Variants in PCDHGA1 observed in about 807,000 individuals in gnomAD.
PCDHGA1 encodes protocadherin gamma-A1.
PCDHGA1 carries 32 observed loss-of-function variants against 58.0 expected under a neutral mutation model. The ratio of observed to expected loss-of-function variants is 0.55; its 90% CI spans 0.42 to 0.74. The LOEUF (loss-of-function observed/expected upper bound fraction) is 0.74, where lower values mean the gene tolerates loss of function less well. Among genes scored for constraint, PCDHGA1 ranks in the 30% least tolerant of loss-of-function variants. The probability of loss-of-function intolerance (pLI) is 0.00; values close to 1 mark genes in which losing one functional copy is unlikely to be tolerated. For missense variants in PCDHGA1, 1,205 were observed against 1,182.3 expected (o/e 1.02, Z -0.28); for synonymous variants, 498 against 501.1 (o/e 0.99, Z 0.08).
rs1260157676 is a variant in PCDHGA1, at chr5:141,373,137, T to G, written c.2421+40032T>G. On this transcript the variant is annotated intron_variant, in intron 1 of 3. Transcript: ENST00000517417. ...CAGAATTAGACCCAAATCCTCACAA[T>G]TAAGTGGTTTACTTAGTTTTAATGC... Among the ~76,000 whole-genome samples, 5 of 152,372 alleles carry G rather than the reference T, an allele frequency of 3.3e-5. No individual in the cohort carries two copies. The East Asian group carries it at 7.7e-4, about 23-fold the overall frequency.
In PCDHGA1 at chr5:141,489,098, T is replaced by C; in HGVS notation, c.2422-5709T>C. 1 of 293,346 alleles carries C rather than the reference T, an allele frequency of 3.4e-6. No homozygotes were observed. The highest frequency in any genetic ancestry group is 5.5e-5 in the South Asian group (1 of 18,124). The allele number at this position is 293,346 out of a possible 1,614,324, so 18.2% of individuals were successfully genotyped here. A position where few individuals can be genotyped will look rare whatever the true frequency, so the allele number is the denominator to read the frequency against. ...CCCCCGCCACTCGGTGACTAAGAAC[T>C]GCTGCAAGCAGGCAAACCTCCGAGC... On this transcript the variant is annotated intron_variant, in intron 1 of 3. Transcript: ENST00000517417. The surrounding 1 kb of genome is among the most constrained non-coding windows in gnomAD (Gnocchi z 4.5).
rs777535962 is a variant in PCDHGA1, at chr5:141,431,195, G to T, written c.2422-63612G>T. The T allele has an allele frequency of 1.2e-6, 2 of 1,614,166 alleles. No homozygotes were observed. Among genetic ancestry groups the T allele is most frequent in the East Asian group, 2.2e-5 (1 of 44,890 alleles). On this transcript the variant is annotated intron_variant, in intron 1 of 3. Transcript: ENST00000517417. The surrounding 1 kb of genome is among the most constrained non-coding windows in gnomAD (Gnocchi z 4.8). ...ATTAGAAATAAAAATTAGTGAAAAT[G>T]CAGCCACTGAGATGCGGTTCCCTCT... is the stretch of plus-strand genomic sequence containing the variant.
rs1285653916 is a variant in PCDHGA1, at chr5:141,388,617, G to A, written c.2421+55512G>A. ...TGATAATGCTCCAGTGTTCAGTCAA[G>A]ACGTATACAGGGTGAGCCTTTCAGA... is the stretch of plus-strand genomic sequence containing the variant. On this transcript the variant is annotated intron_variant, in intron 1 of 3. Coordinates refer to ENST00000517417, the MANE Select transcript of PCDHGA1 (RefSeq NM_018912.3). The A allele has an allele frequency of 3.1e-6, 5 of 1,613,920 alleles. No individual in the cohort carries two copies. The South Asian group carries it at 5.5e-5, about 18-fold the overall frequency.
At position 141,491,201 on chromosome 5, in the gene PCDHGA1, C is replaced by T. The variant is rs752813291; in HGVS notation, c.2422-3606C>T. The T allele has an allele frequency of 3.7e-6, 6 of 1,614,226 alleles. No homozygotes were observed. The Admixed American group carries it at 5.0e-5, about 13-fold the overall frequency. On this transcript the variant is annotated intron_variant, in intron 1 of 3. Transcript: ENST00000517417. This position sits in a 1 kb window ranked among gnomAD's most constrained non-coding sequence, Gnocchi z 6.9. ...GTCCTGGTGAGGGACAATGGTGACCCTTCACTCTCCTCCACAGCCACAGTG... is the reference window on the plus strand; with the variant it reads ...GTCCTGGTGAGGGACAATGGTGACCTTTCACTCTCCTCCACAGCCACAGTG...
intron 1 of PCDHGA1, among the ~76,000 whole-genome samples, chr5:141,445,814 T>C (rs1554133709): frequency 6.6e-6 from 1 of 152,182 alleles, no homozygotes; most frequent in Non-Finnish European, 1.5e-5. Context: ...TAGATGAAAC[T>C]AATAAGGCAG....
rs751024373 is a variant in PCDHGA1, at chr5:141,491,801, G to T, written c.2422-3006G>T. 1 of 1,500,844 alleles carries T rather than the reference G, an allele frequency of 6.7e-7. No homozygotes were observed. Among genetic ancestry groups the T allele is most frequent in the Non-Finnish European group, 8.9e-7 (1 of 1,125,292 alleles). 93.0% of individuals were successfully genotyped at this position (1,500,844 alleles called of 1,614,324 possible). ...AACTTGCATCCACTCCTCTCCGGCCGGCTTGGTCGCTGGCTGCGCTCCACC... is the reference window on the plus strand; with the variant it reads ...AACTTGCATCCACTCCTCTCCGGCCTGCTTGGTCGCTGGCTGCGCTCCACC... On this transcript the variant is annotated intron_variant, in intron 1 of 3. Transcript: ENST00000517417. This position sits in a 1 kb window ranked among gnomAD's most constrained non-coding sequence, Gnocchi z 6.9.
At chr5:141,366,614 G>A in intron 1 of PCDHGA1, 10 of 1,614,248 alleles carry the variant, frequency 6.2e-6, no homozygotes, top group Non-Finnish European at 7.6e-6. Flanking sequence ...CCTCACCGCG[G>A]ACTCGAGGAA....
rs978782104 is a variant in PCDHGA1 at position 141,431,445 on chromosome 5, G to C, written c.2422-63362G>C. 1 of 1,613,742 alleles carries C rather than the reference G, an allele frequency of 6.2e-7. No homozygotes were observed. On this transcript the variant is annotated intron_variant, in intron 1 of 3. Transcript: ENST00000517417. This position sits in a 1 kb window ranked among gnomAD's most constrained non-coding sequence, Gnocchi z 4.8. ...GTGCGCACAGGCACCGCGCGCATCC[G>C]CGTGATGGTTCTGGATGCGAACGAC...
chr5:141,450,278 G>C (rs977381598), intron 1 of PCDHGA1, among the ~76,000 whole-genome samples: 1 of 152,026 alleles, frequency 6.6e-6, no homozygotes, highest in African/African-American at 2.4e-5. Flanking sequence ...TCAGCTAAGT[G>C]CTGGGATTAC....
chr5:141,418,946 G>T (rs2096305161), intron 1 of PCDHGA1: 1 of 1,613,900 alleles, frequency 6.2e-7, no homozygotes, highest in African/African-American at 1.3e-5. Context: ...TTCCCCTCCA[G>T]GAGTGGTTGT....
At chr5:141,364,344 C>G (rs1588595185) in intron 1 of PCDHGA1, 1 of 1,542,476 alleles carries the variant, frequency 6.5e-7, no homozygotes, top group Non-Finnish European at 8.7e-7. Flanking sequence ...GCGAGTCCAC[C>G]TAGGGGCTGG....
chr5:141,356,407 C>T, intron 1 of PCDHGA1: 2 of 1,592,640 alleles, frequency 1.3e-6, no homozygotes, highest in Admixed American at 1.8e-5. Flanking sequence ...AAATTATTAT[C>T]GGTTGTTGAC....
chr5:141,403,762 T>G (rs1217388200), intron 1 of PCDHGA1: 1 of 1,613,854 alleles, frequency 6.2e-7, no homozygotes, highest in Non-Finnish European at 8.5e-7. Flanking sequence ...GCGACCTGGA[T>G]GAGGGAATCA....
chr5:141,357,715 G>A lies in PCDHGA1; in HGVS notation c.2421+24610G>A, dbSNP rs1760708169. On this transcript the variant is annotated intron_variant, in intron 1 of 3. Coordinates refer to ENST00000517417, the MANE Select transcript of PCDHGA1 (RefSeq NM_018912.3). ...TTTTATATGTAATATATCAAATAAA[G>A]TTGCCTCTTTTAATATTTTATTGCT... The A allele has an allele frequency of 2.1e-6, 3 of 1,449,624 alleles. No homozygotes were observed. In the South Asian group the frequency reaches 4.2e-5, roughly 20 times the overall value. 89.8% of individuals were successfully genotyped at this position (1,449,624 alleles called of 1,614,324 possible).
chr5:141,362,840 T>C (rs1762699697), intron 1 of PCDHGA1, among the ~76,000 whole-genome samples: 1 of 152,282 alleles, frequency 6.6e-6, no homozygotes, highest in East Asian at 1.9e-4. Flanking sequence ...ATTGAGACTT[T>C]AGGCAATTAG....
chr5:141,370,485 GA>G, intron 1 of PCDHGA1: 1 of 1,613,916 alleles, frequency 6.2e-7, no homozygotes, highest in South Asian at 1.1e-5. Flanking sequence ...GGCTCTCTCC[GA>G]ACCGATCCGC....
chr5:141,476,038 G>A lies in PCDHGA1; in HGVS notation c.2422-18769G>A, dbSNP rs1426234941. 1.3e-6 allele frequency: 2 copies of A among 1,484,842 alleles called. No homozygotes were observed. Among genetic ancestry groups the A allele is most frequent in the Non-Finnish European group, 1.8e-6 (2 of 1,118,086 alleles). 92.0% of individuals were successfully genotyped at this position (1,484,842 alleles called of 1,614,324 possible). The stretch of plus-strand genomic sequence containing the variant: ...GTCGGACTCGGCGCCCAGCGCCCAA[G>A]CGCTAACCCGCTGAAAGTTTCTCAG... On this transcript the variant is annotated intron_variant, in intron 1 of 3. Coordinates refer to ENST00000517417, the MANE Select transcript of PCDHGA1 (RefSeq NM_018912.3). The surrounding 1 kb of genome is among the most constrained non-coding windows in gnomAD (Gnocchi z 7.6).
chr5:141,399,893 C>G (rs2093913222), intron 1 of PCDHGA1: 2 of 1,612,566 alleles, frequency 1.2e-6, no homozygotes, highest in Non-Finnish European at 1.7e-6. Flanking sequence ...AAGGTAGTGG[C>G]CGTGGACGCA....
intron 3 of PCDHGA1, 110 bp downstream of exon 3, chr5:141,505,591 G>A (rs2099846959): frequency 6.4e-7 from 1 of 1,570,162 alleles, no homozygotes; most frequent in Non-Finnish European, 8.7e-7. Context: ...AGTTTCTCCA[G>A]ATCTTTCGGC....
Sources: allele counts gnomAD v4.1 joint callset (sites outside exome capture counted in the v4.1 genomes callset), GRCh38; gene constraint gnomAD v4.1.1; non-coding constraint Gnocchi (gnomAD v3.1); transcripts MANE v1.5; gene names NCBI Gene and HGNC (gene_info 2026-07-23, HGNC 2026-07-21).